GRB10: variants seen among roughly 807,000 people sequenced by gnomAD.
GRB10 encodes the protein growth factor receptor-bound protein 10.
In GRB10, 20 loss-of-function variants were observed where a neutral mutation model predicts 80.9. The ratio of observed to expected loss-of-function variants is 0.25; its 90% CI spans 0.17 to 0.36. GRB10 has a LOEUF of 0.36. Ranked by LOEUF, GRB10 falls within the 10% of genes least tolerant of loss-of-function variation. The pLI is 1.00. For missense variants in GRB10, 548 were observed against 747.7 expected (o/e 0.73, Z 3.12); for synonymous variants, 291 against 291.5 (o/e 1.00, Z 0.02).
chr7:50,737,225 G>A (rs1488297630), intron 3 of GRB10, among the ~76,000 whole-genome samples: 4 of 152,218 alleles, frequency 2.6e-5, no homozygotes, highest in East Asian at 1.9e-4. Context: ...AATCCCCAGC[G>A]TTGGAGATGG....
At chr7:50,777,760 T>C (rs1403534370) in intron 2 of GRB10, among the ~76,000 whole-genome samples, 2 of 152,170 alleles carry the variant, frequency 1.3e-5, no homozygotes, top group Non-Finnish European at 2.9e-5. Context: ...ATCATGTCCT[T>C]TGCAGGGACA....
chr7:50,770,351 T>C (rs1347783310), intron 2 of GRB10, among the ~76,000 whole-genome samples: 12 of 152,226 alleles, frequency 7.9e-5, no homozygotes, highest in Admixed American at 7.9e-4. Context: ...CTGCTGAGTT[T>C]CTGATTCAAA....
chr7:50,772,053 T>C (rs981045007), intron 2 of GRB10, among the ~76,000 whole-genome samples: 3 of 152,066 alleles, frequency 2.0e-5, no homozygotes, highest in Admixed American at 6.5e-5. Flanking sequence ...AGAGGCGAAG[T>C]GAAATTGTGA....
intron 3 of GRB10, among the ~76,000 whole-genome samples, chr7:50,749,122 G>GTTTTTT: frequency 1.4e-5 from 1 of 73,586 alleles, no homozygotes; most frequent in South Asian, 5.5e-4. Context: ...GTTTTGTTTT[G>GTTTTTT]TTTTTTTGTT....
chr7:50,734,101 G>A (rs1375296721), intron 3 of GRB10, among the ~76,000 whole-genome samples: 1 of 151,370 alleles, frequency 6.6e-6, no homozygotes, highest in East Asian at 1.9e-4. Flanking sequence ...TACACATATC[G>A]GTTTGGGTTC....
In GRB10 at chr7:50,619,151, C is replaced by A. The variant is rs200459273; in HGVS notation, c.777+19G>T. On this transcript the variant is annotated intron_variant, in intron 9 of 18. Coordinates refer to ENST00000401949, the MANE Select transcript of GRB10 (RefSeq NM_001350814.2). Reference sequence around the variant, plus strand: ...ATTTCAAGAGTCCCAAACCCCAAACCTGAAGAGGTAAGACTCACCATGGGA... The same window carrying A: ...ATTTCAAGAGTCCCAAACCCCAAACATGAAGAGGTAAGACTCACCATGGGA... 3.9e-5 allele frequency: 55 copies of A among 1,417,742 alleles called. No individual in the cohort carries two copies. The Admixed American group carries it at 4.2e-4, about 11-fold the overall frequency. The allele number at this position is 1,417,742 out of a possible 1,614,324, so 87.8% of individuals were successfully genotyped here.
At chr7:50,629,450 G>A (rs1345228871) in intron 7 of GRB10, among the ~76,000 whole-genome samples, 3 of 152,130 alleles carry the variant, frequency 2.0e-5, no homozygotes, top group Non-Finnish European at 4.4e-5. Flanking sequence ...AGGGGGCAAG[G>A]CAGACAGGAG....
intron 17 of GRB10, chr7:50,595,820 G>A: frequency 3.0e-6 from 1 of 333,918 alleles, no homozygotes; most frequent in South Asian, 3.4e-5. Context: ...AGGATGAAAA[G>A]GATTATTTTG....
At chr7:50,652,999 T>A (rs1488971048) in intron 7 of GRB10, among the ~76,000 whole-genome samples, 2 of 152,322 alleles carry the variant, frequency 1.3e-5, no homozygotes, top group South Asian at 2.1e-4. Flanking sequence ...AGAATCTTAC[T>A]GGAATACAAT....
chr7:50,607,134 A>G (rs73131006), intron 13 of GRB10: 12,724 of 152,956 alleles, frequency 0.083, 801 homozygotes, highest in South Asian at 0.13. Flanking sequence ...TTCTAAATGG[A>G]TATGTCCAAC....
At chr7:50,594,213 G>A (rs949083022) in intron 18 of GRB10, among the ~76,000 whole-genome samples, 1 of 152,174 alleles carries the variant, frequency 6.6e-6, no homozygotes, top group Non-Finnish European at 1.5e-5. Flanking sequence ...CCCCAGTGCG[G>A]TGCAGGAAAA....
At chr7:50,686,451 T>C (rs2062112683) in intron 5 of GRB10, among the ~76,000 whole-genome samples, 1 of 152,186 alleles carries the variant, frequency 6.6e-6, no homozygotes, top group Non-Finnish European at 1.5e-5. Flanking sequence ...AGTTCCAAAA[T>C]GAATGCTTAC....
intron 2 of GRB10, among the ~76,000 whole-genome samples, chr7:50,771,327 G>A (rs1228648195): frequency 6.6e-6 from 1 of 152,092 alleles, no homozygotes; most frequent in Admixed American, 6.6e-5. Context: ...GGTCCCAGAG[G>A]GTCACTGCCT....
chr7:50,593,164 C>T (rs889467591), intron 18 of GRB10, 66 bp from the exon 19 acceptor site: 47 of 1,569,864 alleles, frequency 3.0e-5, no homozygotes, highest in Admixed American at 6.7e-5. Context: ...ACGGGGCCCA[C>T]GGCCAGCAGC....
chr7:50,754,352 G>T (rs1014395068), intron 3 of GRB10, among the ~76,000 whole-genome samples: 7 of 152,230 alleles, frequency 4.6e-5, no homozygotes, highest in African/African-American at 1.7e-4. Flanking sequence ...ATGCTGTGAG[G>T]AGAAGGGTGA....
intron 3 of GRB10, among the ~76,000 whole-genome samples, chr7:50,745,788 C>G (rs902486289): frequency 6.6e-6 from 1 of 152,196 alleles, no homozygotes; most frequent in African/African-American, 2.4e-5. Flanking sequence ...AAATAACTCA[C>G]AGAAGACATC....
At chr7:50,730,780 C>T (rs2069558009) in intron 4 of GRB10, among the ~76,000 whole-genome samples, 1 of 152,144 alleles carries the variant, frequency 6.6e-6, no homozygotes, top group Non-Finnish European at 1.5e-5. Context: ...ACTGGAAATG[C>T]CAGGAAGGGA....
At chr7:50,632,878 AGGTTG>A (rs1464900103) in intron 7 of GRB10, among the ~76,000 whole-genome samples, 1 of 152,110 alleles carries the variant, frequency 6.6e-6, no homozygotes, top group Non-Finnish European at 1.5e-5. Flanking sequence ...ACCCCCGCCA[AGGTTG>A]GTGCTTGTAC....
chr7:50,732,477 G>C (rs952931121), intron 3 of GRB10, 109 bp from the exon 4 acceptor site: 15 of 709,392 alleles, frequency 2.1e-5, no homozygotes, highest in Non-Finnish European at 3.7e-5. Flanking sequence ...CTTGGTCTTA[G>C]CTTGTAGGTT....
Sources: allele counts gnomAD v4.1 joint callset (sites outside exome capture counted in the v4.1 genomes callset), GRCh38; gene constraint gnomAD v4.1.1; transcripts MANE v1.5; gene names NCBI Gene and HGNC (gene_info 2026-07-23, HGNC 2026-07-21).